Variants in XRCC5 observed in about 807,000 individuals in gnomAD.
The protein encoded by XRCC5 is DNA repair protein Ku80.
A neutral mutation model predicts 95.7 loss-of-function variants in XRCC5; 12 were observed. The observed-to-expected ratio is 0.13, with a 90% CI of 0.08 to 0.20. The LOEUF (loss-of-function observed/expected upper bound fraction) is 0.20. Ranked by LOEUF, XRCC5 falls within the 10% of genes least tolerant of loss-of-function variation. The probability of loss-of-function intolerance (pLI) is 1.00; values close to 1 mark genes in which losing one functional copy is unlikely to be tolerated. For missense variants in XRCC5, 595 were observed against 873.9 expected (o/e 0.68, Z 4.02); for synonymous variants, 281 against 290.3 (o/e 0.97, Z 0.33).
At chr2:216,190,033 C>T (rs1443908729) in intron 16 of XRCC5, among the ~76,000 whole-genome samples, 192 bp from the exon 17 acceptor site, 1 of 152,180 alleles carries the variant, frequency 6.6e-6, no homozygotes. Flanking sequence ...AGGTATCATT[C>T]AGACTTTGCA....
At chr2:216,163,092 T>C (rs1049502159) in intron 16 of XRCC5, among the ~76,000 whole-genome samples, 1 of 152,104 alleles carries the variant, frequency 6.6e-6, no homozygotes, top group Non-Finnish European at 1.5e-5. Flanking sequence ...TGTTCATGTG[T>C]GTATAGAACT....
At chr2:216,122,349 A>G (rs896165619) in intron 6 of XRCC5, 96 bp downstream of exon 6, 1 of 1,159,088 alleles carries the variant, frequency 8.6e-7, no homozygotes, top group Non-Finnish European at 1.2e-6. Flanking sequence ...TTTCTGGGCC[A>G]CTCTCTAATT....
chr2:216,130,949 A>T lies in XRCC5; in HGVS notation c.1012A>T (p.Lys338Ter). The T allele has an allele frequency of 6.2e-7, 1 of 1,613,582 alleles. No individual in the cohort carries two copies. The highest frequency in any genetic ancestry group is 8.5e-7 in the Non-Finnish European group (1 of 1,179,782). ...EEQMKYKSEG[K>*]CFSVLGFCKS... ...ACAAATGAAATATAAATCGGAGGGG[A>T]AGTGCTTCTCTGTTTTGGGATTTTG... The change falls in exon 9 of 21, where the codon AAG becomes TAG. Residue 338 changes from lysine to a stop codon, truncating the protein, a stop_gained. Transcript: ENST00000392132. LOFTEE classifies it high-confidence loss of function.
At chr2:216,117,627 C>G in intron 3 of XRCC5, 119 bp from the exon 4 acceptor site, 1 of 962,796 alleles carries the variant, frequency 1.0e-6, no homozygotes, top group Non-Finnish European at 1.6e-6. Context: ...CAGGCAAGTA[C>G]TTTAAGTCAT....
intron 10 of XRCC5, among the ~76,000 whole-genome samples, chr2:216,133,357 T>G (rs933612921): frequency 1.3e-5 from 2 of 152,248 alleles, no homozygotes; most frequent in Non-Finnish European, 2.9e-5. Context: ...TTTTGTTTTT[T>G]TAAGAGACAA....
At chr2:216,134,681 C>A (rs1022299609) in intron 10 of XRCC5, among the ~76,000 whole-genome samples, 20 of 151,102 alleles carry the variant, frequency 1.3e-4, no homozygotes, top group Middle Eastern at 3.4e-3. Context: ...CACCCCCCCC[C>A]CTCCTCGGCC....
At chr2:216,128,801 A>G (rs892810511) in intron 8 of XRCC5, among the ~76,000 whole-genome samples, 3 of 152,216 alleles carry the variant, frequency 2.0e-5, no homozygotes, top group East Asian at 1.9e-4. Flanking sequence ...ATCAGCGACC[A>G]TCTTATAAAG....
At chr2:216,169,881 A>C (rs961518452) in intron 16 of XRCC5, among the ~76,000 whole-genome samples, 1 of 150,866 alleles carries the variant, frequency 6.6e-6, no homozygotes, top group East Asian at 1.9e-4. Context: ...AAAAAAAAAA[A>C]AAACAAACTT....
chr2:216,197,549 C>T (rs1403320146), intron 19 of XRCC5, among the ~76,000 whole-genome samples: 1 of 152,004 alleles, frequency 6.6e-6, no homozygotes, highest in East Asian at 1.9e-4. Context: ...CTACTTCAGC[C>T]ACGGGTTGCC....
intron 14 of XRCC5, among the ~76,000 whole-genome samples, chr2:216,157,228 GT>G (rs11311196): frequency 0.33 from 43,330 of 129,918 alleles, 6,852 homozygotes; most frequent in South Asian, 0.51. Flanking sequence ...TTTTTTTTTT[GT>G]TTTTTTTTTG....
At chr2:216,152,494 G>A (rs1355543535) in intron 14 of XRCC5, among the ~76,000 whole-genome samples, 2 of 152,106 alleles carry the variant, frequency 1.3e-5, no homozygotes, top group East Asian at 3.9e-4. Flanking sequence ...ACCGTATCAG[G>A]TGAGAACTCC....
intron 19 of XRCC5, among the ~76,000 whole-genome samples, chr2:216,202,365 A>G (rs537931104): frequency 6.6e-6 from 1 of 152,346 alleles, no homozygotes. Flanking sequence ...AAAAAGTATG[A>G]TAATAACCCG....
chr2:216,163,276 A>C (rs1205128256), intron 16 of XRCC5, among the ~76,000 whole-genome samples: 1 of 151,612 alleles, frequency 6.6e-6, no homozygotes, highest in African/African-American at 2.4e-5. Context: ...CTGAGATTAC[A>C]TGTGTAAGTC....
intron 13 of XRCC5, among the ~76,000 whole-genome samples, chr2:216,145,034 A>G (rs1688598282): frequency 6.6e-6 from 1 of 152,194 alleles, no homozygotes; most frequent in Non-Finnish European, 1.5e-5. Flanking sequence ...TCAGATGCAC[A>G]ATGGGGAGTA....
At chr2:216,182,174 G>C (rs73060306) in intron 16 of XRCC5, among the ~76,000 whole-genome samples, 1 of 152,048 alleles carries the variant, frequency 6.6e-6, no homozygotes, top group African/African-American at 2.4e-5. Flanking sequence ...TCTCTCCTTG[G>C]TGAGGAGTCT....
chr2:216,187,472 GTGT>G (rs1378017641), intron 16 of XRCC5, among the ~76,000 whole-genome samples: 1 of 69,252 alleles, frequency 1.4e-5, no homozygotes, highest in Non-Finnish European at 3.0e-5. Flanking sequence ...GCAACTGTGT[GTGT>G]GTGTGTGTGT....
chr2:216,110,386 ACTC>A (rs1188891786), intron 1 of XRCC5: 1 of 152,156 alleles, frequency 6.6e-6, no homozygotes, highest in Non-Finnish European at 1.5e-5. Flanking sequence ...AGTTCCCTCA[ACTC>A]CTCATTGAGA....
chr2:216,180,304 A>G (rs1416274932), intron 16 of XRCC5, among the ~76,000 whole-genome samples: 1 of 152,196 alleles, frequency 6.6e-6, no homozygotes, highest in Non-Finnish European at 1.5e-5. Context: ...ATGGGTGCAG[A>G]TGCAGGTAGG....
intron 14 of XRCC5, among the ~76,000 whole-genome samples, chr2:216,155,529 C>T (rs942748164): frequency 6.6e-6 from 1 of 152,096 alleles, no homozygotes; most frequent in African/African-American, 2.4e-5. Context: ...CTTCTGTGTA[C>T]TGCTAAGGGG....
Sources: allele counts gnomAD v4.1 joint callset (sites outside exome capture counted in the v4.1 genomes callset), GRCh38; gene constraint gnomAD v4.1.1; transcripts MANE v1.5; gene names NCBI Gene and HGNC (gene_info 2026-07-23, HGNC 2026-07-21).